Variants in NDUFS7 observed in about 807,000 individuals in gnomAD.
NDUFS7 encodes NADH dehydrogenase [ubiquinone] iron-sulfur protein 7, mitochondrial.
In NDUFS7, 11 loss-of-function variants were observed where a neutral mutation model predicts 31.1. The observed-to-expected ratio is 0.35, with a 90% CI of 0.22 to 0.59. NDUFS7 has a LOEUF of 0.59. Among genes scored for constraint, NDUFS7 ranks in the 20% least tolerant of loss-of-function variants. NDUFS7 has a pLI of 0.79. For missense variants in NDUFS7, 263 were observed against 324.2 expected (o/e 0.81, Z 1.45); for synonymous variants, 136 against 127.9 (o/e 1.06, Z -0.43).
chr19:1,387,647 C>A, intron 1 of NDUFS7, 164 bp from the exon 2 acceptor site: 1 of 678,914 alleles, frequency 1.5e-6, no homozygotes, highest in Non-Finnish European at 2.7e-6. Flanking sequence ...CTAAGACTCT[C>A]TCGTGTTCTG....
intron 4 of NDUFS7, 55 bp from the exon 5 acceptor site, chr19:1,390,816 G>A (rs1439017495): frequency 3.8e-6 from 6 of 1,579,640 alleles, no homozygotes; most frequent in Non-Finnish European, 5.1e-6. Context: ...GGAGTCTCAC[G>A]CTGGGCCACG....
At chr19:1,392,966 G>A (rs1356305332) in intron 6 of NDUFS7, 2 of 543,498 alleles carry the variant, frequency 3.7e-6, no homozygotes, top group African/African-American at 3.8e-5. Context: ...CATGTGATCT[G>A]ACACATCCCA....
chr19:1,387,931 G>GGGGGGGT, intron 2 of NDUFS7, 84 bp downstream of exon 2: 2 of 428,706 alleles, frequency 4.7e-6, no homozygotes, highest in South Asian at 1.7e-5. Flanking sequence ...GGGGGGTGGG[G>GGGGGGGT]GGAGCGCCTT....
intron 2 of NDUFS7, chr19:1,388,276 T>A: frequency 1.7e-6 from 1 of 600,104 alleles, no homozygotes; most frequent in East Asian, 2.8e-5. Context: ...CCTGGGACCG[T>A]CCTTGCTTGG....
At chr19:1,395,367 G>C (rs750078551) in intron 7 of NDUFS7, 24 bp from the exon 8 acceptor site, 1 of 1,592,454 alleles carries the variant, frequency 6.3e-7, no homozygotes, top group African/African-American at 1.3e-5. Context: ...TGCGGGAAGC[G>C]AGACTGAGGC....
rs2082547563 is a variant in NDUFS7 at position 1,390,518 on chromosome 19, A to G, written c.229-353A>G. 1.4e-5 allele frequency: 6 copies of G among 413,948 alleles called. No individual in the cohort carries two copies. In the South Asian group the frequency reaches 1.5e-4, roughly 11 times the overall value. The allele number at this position is 413,948 out of a possible 1,614,324, so 25.6% of individuals were successfully genotyped here. ...GTGGACCCAGATCTAGTTAACGCAG[A>G]GAGTTCCCGGTTAGACCTGCGCTAC... is the stretch of plus-strand genomic sequence containing the variant. On this transcript the variant is annotated intron_variant, in intron 4 of 7. Coordinates refer to ENST00000233627, the MANE Select transcript of NDUFS7 (RefSeq NM_024407.5).
Position 1,384,151 on chromosome 19 carries a change from G to A in NDUFS7, c.16+209G>A, listed in dbSNP as rs958416408. 2.4e-5 allele frequency: 14 copies of A among 574,778 alleles called. No homozygotes were observed. In the African/African-American group the frequency reaches 2.6e-4, roughly 11 times the overall value. The allele number at this position is 574,778 out of a possible 1,614,324, so 35.6% of individuals were successfully genotyped here. On this transcript the variant is annotated intron_variant, in intron 1 of 7. Coordinates refer to ENST00000233627, the MANE Select transcript of NDUFS7 (RefSeq NM_024407.5). ...TCCAGAGTACAGTCGGGGAAACCGA[G>A]GCCCGGTAGGTCATGACGCAAGCCT...
At chr19:1,388,617 G>T (rs1234350472) in intron 3 of NDUFS7, 24 bp downstream of exon 3, 1 of 1,606,912 alleles carries the variant, frequency 6.2e-7, no homozygotes, top group Non-Finnish European at 8.5e-7. Flanking sequence ...TCTGGGGGAG[G>T]TCGTACCCCC....
intron 7 of NDUFS7, chr19:1,394,031 C>T (rs2082575508): frequency 7.7e-6 from 2 of 260,674 alleles, no homozygotes; most frequent in South Asian, 4.2e-5. Flanking sequence ...AGGTGGCGCT[C>T]ATGTGGGACA....
At position 1,393,170 on chromosome 19, in the gene NDUFS7, G is replaced by C. The variant is rs552393324; in HGVS notation, c.456-72G>C. On this transcript the variant is annotated intron_variant, in intron 6 of 7. Transcript: ENST00000233627. This position sits in a 1 kb window ranked among gnomAD's most constrained non-coding sequence, Gnocchi z 7.3. ...TGCAGTTGAAGGCGGGTGGGGATGG[G>C]GCGAGGCCTCGTGGAGGGAGGGTGG... 8 of 1,284,924 alleles carry C rather than the reference G, an allele frequency of 6.2e-6. No homozygotes were observed. The highest frequency in any genetic ancestry group is 4.4e-6 in the Non-Finnish European group (4 of 915,590). 79.6% of individuals were successfully genotyped at this position (1,284,924 alleles called of 1,614,324 possible).
At chr19:1,391,691 T>C (rs540518621) in intron 6 of NDUFS7, among the ~76,000 whole-genome samples, 1 of 151,880 alleles carries the variant, frequency 6.6e-6, no homozygotes, top group Non-Finnish European at 1.5e-5. Flanking sequence ...TTTACCATGT[T>C]GGCCAGGCTG....
chr19:1,387,386 G>A (rs892620134), intron 1 of NDUFS7, among the ~76,000 whole-genome samples: 3 of 152,294 alleles, frequency 2.0e-5, no homozygotes, highest in Non-Finnish European at 4.4e-5. Context: ...TGGTGTAGGC[G>A]GGACGCCCCG....
At chr19:1,386,050 G>A (rs2082505469) in intron 1 of NDUFS7, among the ~76,000 whole-genome samples, 1 of 152,200 alleles carries the variant, frequency 6.6e-6, no homozygotes, top group Non-Finnish European at 1.5e-5. Flanking sequence ...TCACAGGCTT[G>A]TGTCCTTCAG....
At position 1,391,094 on chromosome 19, in the gene NDUFS7, C is replaced by A. The variant is rs369479639; in HGVS notation, c.409-25C>A. ...GCCCAGCCGCCCCCAGAGTGAGCTGCGCACGGACCCCGCCTCTCTTCCAGG... is the reference window on the plus strand; with the variant it reads ...GCCCAGCCGCCCCCAGAGTGAGCTGAGCACGGACCCCGCCTCTCTTCCAGG... On this transcript the variant is annotated intron_variant, in intron 5 of 7. Coordinates refer to ENST00000233627, the MANE Select transcript of NDUFS7 (RefSeq NM_024407.5). 6.1e-5 allele frequency: 99 copies of A among 1,610,306 alleles called. No homozygotes were observed. The African/African-American group carries it at 1.1e-3, about 19-fold the overall frequency.
intron 1 of NDUFS7, among the ~76,000 whole-genome samples, chr19:1,384,424 A>AG (rs1434457272): frequency 6.6e-6 from 1 of 152,238 alleles, no homozygotes; most frequent in Non-Finnish European, 1.5e-5. Context: ...CTGGGAGGTA[A>AG]GGGCCTCTCG....
At chr19:1,388,126 C>G in intron 2 of NDUFS7, 1 of 600,354 alleles carries the variant, frequency 1.7e-6, no homozygotes, top group East Asian at 2.8e-5. Context: ...GGAAGGCATT[C>G]TCTGAGCCCT....
chr19:1,389,161 G>GCA, intron 4 of NDUFS7: 1 of 698,294 alleles, frequency 1.4e-6, no homozygotes, highest in Non-Finnish European at 2.6e-6. Context: ...TCGCACACAT[G>GCA]CACACTTGCA....
intron 4 of NDUFS7, chr19:1,389,291 G>A (rs933006883): frequency 1.4e-5 from 8 of 565,170 alleles, no homozygotes; most frequent in Non-Finnish European, 2.4e-5. Context: ...GCACACACGT[G>A]CACATATATG....
At chr19:1,394,499 C>T (rs1314109160) in intron 7 of NDUFS7, 3 of 1,268,588 alleles carry the variant, frequency 2.4e-6, no homozygotes, top group Admixed American at 2.4e-5. Context: ...GCTCCTCCCT[C>T]CTTGGGGACC....
Sources: gnomAD v4.1 joint callset for allele counts (sites outside exome capture counted in the v4.1 genomes callset) on GRCh38, gnomAD v4.1.1 for gene constraint, Gnocchi (gnomAD v3.1) non-coding constraint, MANE v1.5 for transcripts, NCBI Gene and HGNC (gene_info 2026-07-23, HGNC 2026-07-21) for gene names.